The following GRM7 variants were observed in gnomAD, a reference collection of about 807,000 sequenced individuals.
GRM7 encodes the protein glutamate metabotropic receptor 7, also known as metabotropic glutamate receptor 7.
In GRM7, 35 loss-of-function variants were observed where a neutral mutation model predicts 84.5. The ratio of observed to expected loss-of-function variants is 0.41; its 90% CI spans 0.32 to 0.55. GRM7 has a LOEUF of 0.55. GRM7 is among the 20% of genes least tolerant of loss of function. The pLI is 0.19. For synonymous variants in GRM7, 487 were observed against 455.1 expected (o/e 1.07, Z -0.89); for missense variants, 1,003 against 1,194.6 (o/e 0.84, Z 2.36).
chr3:7,326,559 G>A (rs1006064023), intron 4 of GRM7, among the ~76,000 whole-genome samples: 13 of 152,068 alleles, frequency 8.5e-5, no homozygotes, highest in African/African-American at 3.1e-4. Flanking sequence ...TAGAAAAGGA[G>A]ACTGGGGGCT....
intron 2 of GRM7, among the ~76,000 whole-genome samples, chr3:7,198,667 T>C (rs1400660942): frequency 1.3e-5 from 2 of 152,186 alleles, no homozygotes; most frequent in Non-Finnish European, 2.9e-5. Flanking sequence ...GCCTATTGTA[T>C]AATAAGGTGT....
At chr3:6,966,092 C>A (rs1254814429) in intron 1 of GRM7, among the ~76,000 whole-genome samples, 1 of 152,160 alleles carries the variant, frequency 6.6e-6, no homozygotes, top group African/African-American at 2.4e-5. Flanking sequence ...ACGAAATGCC[C>A]TTGGGGCTCT....
chr3:7,723,828 C>T (rs1333749011), intron 9 of GRM7, among the ~76,000 whole-genome samples: 1 of 152,078 alleles, frequency 6.6e-6, no homozygotes, highest in Non-Finnish European at 1.5e-5. Context: ...GCCTGGGCAA[C>T]AGAGTGAGAG....
chr3:7,030,662 C>T lies in GRM7; in HGVS notation c.520-115790C>T, dbSNP rs116424475. Among the ~76,000 whole-genome samples, 289 of 152,162 alleles carry T rather than the reference C, an allele frequency of 1.9e-3. 1 individual carries two copies. Among genetic ancestry groups the T allele is most frequent in the African/African-American group, 6.2e-3 (259 of 41,514 alleles). ...TGATCAAATGGATCCTGGAAATCACCGGCTTTAGGAGATAGAATGCATTCG... is the reference window on the plus strand; with the variant it reads ...TGATCAAATGGATCCTGGAAATCACTGGCTTTAGGAGATAGAATGCATTCG... On this transcript the variant is annotated intron_variant, in intron 1 of 9. Transcript: ENST00000357716.
intron 5 of GRM7, among the ~76,000 whole-genome samples, chr3:7,438,573 C>T (rs1697153573): frequency 6.6e-6 from 1 of 152,092 alleles, no homozygotes; most frequent in Admixed American, 6.6e-5. Flanking sequence ...AACACCACTC[C>T]AAACCAGAAG....
chr3:7,484,100 C>T (rs1049178436), intron 7 of GRM7, among the ~76,000 whole-genome samples: 3 of 152,120 alleles, frequency 2.0e-5, no homozygotes, highest in Admixed American at 6.5e-5. Context: ...GAATAGTTGT[C>T]ACAACTGAGA....
chr3:6,874,855 T>C (rs1695245844), intron 1 of GRM7, among the ~76,000 whole-genome samples: 1 of 152,214 alleles, frequency 6.6e-6, no homozygotes, highest in Non-Finnish European at 1.5e-5. Flanking sequence ...CCTTTCAGCC[T>C]TTCCTGAATC....
chr3:7,070,911 A>G (rs1697855045), intron 1 of GRM7, among the ~76,000 whole-genome samples: 1 of 152,172 alleles, frequency 6.6e-6, no homozygotes, highest in Non-Finnish European at 1.5e-5. Context: ...CAACTGGTTC[A>G]ACTTCACTAA....
intron 5 of GRM7, among the ~76,000 whole-genome samples, chr3:7,416,426 C>T (rs1056883433): frequency 1.3e-5 from 2 of 152,090 alleles, no homozygotes; most frequent in African/African-American, 2.4e-5. Flanking sequence ...CACAGTTCTG[C>T]CTCTAGTCTC....
At chr3:7,438,960 GAAGGCAACTC>G (rs1697173235) in intron 5 of GRM7, among the ~76,000 whole-genome samples, 1 of 152,160 alleles carries the variant, frequency 6.6e-6, no homozygotes, top group Non-Finnish European at 1.5e-5. Flanking sequence ...GAAGGGTTAT[GAAGGCAACTC>G]AATGTATAGA....
intron 7 of GRM7, among the ~76,000 whole-genome samples, chr3:7,528,352 G>A (rs1320772622): frequency 2.0e-5 from 3 of 151,972 alleles, no homozygotes; most frequent in South Asian, 2.1e-4. Context: ...TTGTATTTCT[G>A]TGGAATTGGT....
At chr3:7,469,683 C>A (rs1698617112) in intron 7 of GRM7, among the ~76,000 whole-genome samples, 1 of 152,100 alleles carries the variant, frequency 6.6e-6, no homozygotes, top group South Asian at 2.1e-4. Flanking sequence ...ATCTGTGAAC[C>A]AGGATGAGGA....
At chr3:7,515,644 C>A (rs138600824) in intron 7 of GRM7, among the ~76,000 whole-genome samples, 1 of 152,102 alleles carries the variant, frequency 6.6e-6, no homozygotes, top group African/African-American at 2.4e-5. Flanking sequence ...AATCTCATAG[C>A]GCTATTAGGG....
chr3:7,581,736 T>A (rs1695262456), intron 8 of GRM7, among the ~76,000 whole-genome samples: 1 of 152,172 alleles, frequency 6.6e-6, no homozygotes, highest in South Asian at 2.1e-4. Flanking sequence ...AGGCAGTGAG[T>A]TCAGTAATAA....
chr3:7,495,667 T>C (rs1699676594), intron 7 of GRM7, among the ~76,000 whole-genome samples: 1 of 152,190 alleles, frequency 6.6e-6, no homozygotes, highest in African/African-American at 2.4e-5. Context: ...CCAGTAGGTC[T>C]TCCTTGAAAG....
intron 7 of GRM7, among the ~76,000 whole-genome samples, chr3:7,464,047 C>T (rs189109620): frequency 6.6e-6 from 1 of 152,154 alleles, no homozygotes; most frequent in Admixed American, 6.5e-5. Context: ...CTTCAGTGTG[C>T]CTCAGAGCCA....
chr3:7,446,826 C>G (rs712789), intron 5 of GRM7, among the ~76,000 whole-genome samples: 51,307 of 151,890 alleles, frequency 0.34, 9,317 homozygotes, highest in African/African-American at 0.46. Context: ...CTTTTTTATC[C>G]TAATAATTTG....
chr3:7,197,335 C>A (rs115590262), intron 2 of GRM7, among the ~76,000 whole-genome samples: 1,549 of 152,282 alleles, frequency 0.01, 17 homozygotes, highest in African/African-American at 0.027. Flanking sequence ...AAATAACATT[C>A]TTTTCAATAT....
chr3:7,685,414 T>G (rs162785), intron 9 of GRM7, among the ~76,000 whole-genome samples: 1 of 151,912 alleles, frequency 6.6e-6, no homozygotes, highest in East Asian at 1.9e-4. Flanking sequence ...TAGCTAGATA[T>G]AGAGAGTTTA....
Sources: gnomAD v4.1 joint callset for allele counts (sites outside exome capture counted in the v4.1 genomes callset) on GRCh38, gnomAD v4.1.1 for gene constraint, MANE v1.5 for transcripts, NCBI Gene and HGNC (gene_info 2026-07-23, HGNC 2026-07-21) for gene names.